The following FCGR2B variants were observed in gnomAD, a reference collection of about 807,000 sequenced individuals.
FCGR2B encodes the protein Fc gamma receptor IIb.
In FCGR2B, 18 loss-of-function variants were observed where a neutral mutation model predicts 24.8. The observed-to-expected ratio is 0.73, with a 90% CI of 0.50 to 1.08. FCGR2B has a LOEUF of 1.08. FCGR2B is among the 50% of genes least tolerant of loss of function. The probability of loss-of-function intolerance (pLI) is 0.00; values close to 1 mark genes in which losing one functional copy is unlikely to be tolerated. For missense variants in FCGR2B, 215 were observed against 297.6 expected (o/e 0.72, Z 2.04); for synonymous variants, 79 against 109.8 (o/e 0.72, Z 1.75).
At chr1:161,649,705 A>G in the FCGR2B span, among the ~76,000 whole-genome samples, 54 of 149,988 alleles carry the variant, frequency 3.6e-4, 1 homozygote, top group African/African-American at 1.2e-3. Context: ...TTGATCTTGC[A>G]CTTCGCAGCT....
At chr1:161,650,295 GT>G in the FCGR2B span, among the ~76,000 whole-genome samples, 1 of 146,282 alleles carries the variant, frequency 6.8e-6, no homozygotes, top group African/African-American at 2.5e-5. Flanking sequence ...CCAAAAAAAA[GT>G]TTTGAAGTGG....
chr1:161,672,893 G>C (rs4657087), intron 3 of FCGR2B, 82 bp from the exon 4 acceptor site: 6 of 1,575,978 alleles, frequency 3.8e-6, no homozygotes, highest in African/African-American at 2.7e-5. Flanking sequence ...TCTGCACATC[G>C]TGTCCCACCA....
At chr1:161,653,818 A>G in the FCGR2B span, among the ~76,000 whole-genome samples, 15 of 126,700 alleles carry the variant, frequency 1.2e-4, no homozygotes, top group South Asian at 3.6e-3. Flanking sequence ...ACTCCTATAG[A>G]TAACATCACT....
In FCGR2B at chr1:161,678,268, C is replaced by T. The variant is rs974567549; in HGVS notation, c.*715C>T. On this transcript the variant is annotated 3_prime_UTR_variant, in exon 8 of 8. Transcript: ENST00000358671. ...CACATAATGATGTTTAGTTCAACAA[C>T]AGACTGCATATATGATGGTGATCCC... 4.6e-6 allele frequency: 1 copy of T among 219,166 alleles called. No homozygotes were observed. The highest frequency in any genetic ancestry group is 9.1e-6 in the Non-Finnish European group (1 of 109,304). The allele number at this position is 219,166 out of a possible 1,614,324, so 13.6% of individuals were successfully genotyped here.
At position 161,671,974 on chromosome 1, in the gene FCGR2B, T is replaced by C; in HGVS notation, c.391+325T>C. On this transcript the variant is annotated intron_variant, in intron 3 of 7. Transcript: ENST00000358671. ...GGAAATGACTCACTATACAACATGATGAATTCATTTAACCCTTGAGTTTCC... is the reference window on the plus strand; with the variant it reads ...GGAAATGACTCACTATACAACATGACGAATTCATTTAACCCTTGAGTTTCC... 7.0e-6 allele frequency: 3 copies of C among 429,428 alleles called. No homozygotes were observed. The South Asian group carries it at 8.9e-5, about 13-fold the overall frequency. The allele number at this position is 429,428 out of a possible 1,614,324, so 26.6% of individuals were successfully genotyped here.
chr1:161,650,084 T>C, the FCGR2B span, among the ~76,000 whole-genome samples: 1 of 149,650 alleles, frequency 6.7e-6, no homozygotes. Flanking sequence ...CTCTGTTCAC[T>C]GCACCCTCCA....
In FCGR2B at chr1:161,671,665, C is replaced by T. The variant is rs1681675840; in HGVS notation, c.391+16C>T. ...GTGCTTTCTGGTCAGTGGAGGAAGG[C>T]CCCAGGGTGGACCTGGGAGGGCCAG... On this transcript the variant is annotated intron_variant, in intron 3 of 7. Transcript: ENST00000358671. 5.0e-6 allele frequency: 8 copies of T among 1,612,064 alleles called. No homozygotes were observed. Among genetic ancestry groups the T allele is most frequent in the Non-Finnish European group, 6.8e-6 (8 of 1,178,264 alleles).
chr1:161,675,840 G>T (rs1216431901), intron 6 of FCGR2B: 1 of 234,370 alleles, frequency 4.3e-6, no homozygotes, highest in Non-Finnish European at 8.4e-6. Flanking sequence ...AAATTCTGGG[G>T]GACTAGGGGC....
the FCGR2B span, among the ~76,000 whole-genome samples, chr1:161,649,328 G>C: frequency 6.6e-6 from 1 of 150,958 alleles, no homozygotes; most frequent in South Asian, 2.1e-4. Flanking sequence ...AATTTCCATA[G>C]GTAAATCCGT....
At chr1:161,671,204 C>A (rs57435101) in intron 2 of FCGR2B, among the ~76,000 whole-genome samples, 188 bp from the exon 3 acceptor site, 2 of 152,124 alleles carry the variant, frequency 1.3e-5, no homozygotes, top group African/African-American at 4.8e-5. Flanking sequence ...GAGTCCTGGG[C>A]TCCCTGGGGC....
intron 5 of FCGR2B, chr1:161,674,311 C>CT: frequency 4.8e-6 from 1 of 206,196 alleles, no homozygotes; most frequent in Non-Finnish European, 9.7e-6. Context: ...AGTCCAGTCC[C>CT]TGCCCTTGGG....
chr1:161,649,236 T>G, the FCGR2B span, among the ~76,000 whole-genome samples: 1 of 149,304 alleles, frequency 6.7e-6, no homozygotes, highest in Non-Finnish European at 1.5e-5. Context: ...GGAAGAGGAT[T>G]GAAAGTAGAA....
the FCGR2B span, among the ~76,000 whole-genome samples, chr1:161,652,671 G>T: frequency 7.4e-6 from 1 of 134,778 alleles, no homozygotes; most frequent in Non-Finnish European, 1.7e-5. Context: ...GCTTTTCTGT[G>T]TTGGCTCATT....
the FCGR2B span, among the ~76,000 whole-genome samples, chr1:161,647,515 G>T: frequency 6.6e-6 from 1 of 150,440 alleles, no homozygotes; most frequent in East Asian, 1.9e-4. Context: ...TGGCCAGGCT[G>T]GTCTTGAACT....
chr1:161,671,338 C>T (rs1681636855), intron 2 of FCGR2B, 54 bp from the exon 3 acceptor site: 1 of 1,613,766 alleles, frequency 6.2e-7, no homozygotes, highest in Non-Finnish European at 8.5e-7. Flanking sequence ...TTCAGGGCCT[C>T]TCAAGCTCCT....
Position 161,677,475 on chromosome 1 carries a change from G to A in FCGR2B, c.856-1G>A. ...TTACTGCTGGTTTCTGCCTTCTCTA[G>A]GCTGAGAACACAATCACCTATTCAC... On this transcript the variant is annotated splice_acceptor_variant, in intron 7 of 7. Coordinates refer to ENST00000358671, the MANE Select transcript of FCGR2B (RefSeq NM_001394477.1). LOFTEE classifies it high-confidence loss of function. The A allele has an allele frequency of 1.2e-6, 2 of 1,613,920 alleles. No individual in the cohort carries two copies. The highest frequency in any genetic ancestry group is 1.7e-6 in the Non-Finnish European group (2 of 1,179,870).
intron 3 of FCGR2B, chr1:161,672,771 C>T (rs948213991): frequency 2.1e-5 from 18 of 837,346 alleles, no homozygotes; most frequent in South Asian, 9.4e-5. Context: ...CTCATTTTCA[C>T]GAATGAGGAA....
the FCGR2B span, among the ~76,000 whole-genome samples, chr1:161,656,326 A>T: frequency 0.24 from 32,257 of 133,862 alleles, 4,028 homozygotes; most frequent in Middle Eastern, 0.32. Context: ...CCTCCCATCC[A>T]TCCCCACCCC....
At chr1:161,652,526 A>G in the FCGR2B span, among the ~76,000 whole-genome samples, 11 of 134,532 alleles carry the variant, frequency 8.2e-5, no homozygotes, top group African/African-American at 2.8e-4. Flanking sequence ...TTTCCACTAG[A>G]GCCTTTAACA....
Sources: allele counts gnomAD v4.1 joint callset (sites outside exome capture counted in the v4.1 genomes callset), GRCh38; gene constraint gnomAD v4.1.1; transcripts MANE v1.5; gene names NCBI Gene and HGNC (gene_info 2026-07-23, HGNC 2026-07-21).